ADAMTS18: variants seen among roughly 807,000 people sequenced by gnomAD.
ADAMTS18 encodes the protein ADAM metallopeptidase with thrombospondin type 1 motif 18, also known as A disintegrin and metalloproteinase with thrombospondin motifs 18.
ADAMTS18 carries 157 observed loss-of-function variants against 165.9 expected under a neutral mutation model. That is an observed-to-expected ratio of 0.95 (90% confidence interval 0.83 to 1.08). The LOEUF (loss-of-function observed/expected upper bound fraction) is 1.08, where lower values mean the gene tolerates loss of function less well. Among genes scored for constraint, ADAMTS18 ranks in the 50% least tolerant of loss-of-function variants. ADAMTS18 has a pLI of 0.00. For missense variants in ADAMTS18, 2,040 were observed against 1,534.0 expected, an observed-to-expected ratio of 1.33 and a Z score of -5.51; for synonymous variants, 782 against 578.2, an observed-to-expected ratio of 1.35 and a Z score of -5.06.
At chr16:77,318,581 A>T (rs1040422370) in intron 16 of ADAMTS18, among the ~76,000 whole-genome samples, 5 of 152,284 alleles carry the variant, frequency 3.3e-5, no homozygotes, top group Admixed American at 3.3e-4. Context: ...ACTCTATTAC[A>T]GTCATGATAA....
At chr16:77,418,175 A>G (rs752936442) in intron 3 of ADAMTS18, among the ~76,000 whole-genome samples, 3 of 152,070 alleles carry the variant, frequency 2.0e-5, no homozygotes, top group African/African-American at 4.8e-5. Context: ...CTGCCATCCA[A>G]TCGACTCCCA....
chr16:77,431,252 A>G (rs965486132), intron 3 of ADAMTS18, 43 bp downstream of exon 3: 5 of 1,610,346 alleles, frequency 3.1e-6, no homozygotes, highest in East Asian at 2.2e-5. Flanking sequence ...AAGTTACACA[A>G]AACACGAAAG....
intron 13 of ADAMTS18, among the ~76,000 whole-genome samples, chr16:77,325,546 C>T (rs1433252269): frequency 6.6e-6 from 1 of 151,836 alleles, no homozygotes; most frequent in Non-Finnish European, 1.5e-5. Context: ...ACAGTTCATA[C>T]CAATTTCAAT....
intron 16 of ADAMTS18, among the ~76,000 whole-genome samples, chr16:77,311,879 TAAAG>T (rs1027865076): frequency 6.6e-6 from 1 of 152,188 alleles, no homozygotes; most frequent in African/African-American, 2.4e-5. Flanking sequence ...AATGAGTGCA[TAAAG>T]AAAGATTTTG....
intron 21 of ADAMTS18, among the ~76,000 whole-genome samples, chr16:77,289,894 G>A (rs1028218309): frequency 1.3e-5 from 2 of 152,186 alleles, no homozygotes; most frequent in South Asian, 4.1e-4. Context: ...GCATGACAGA[G>A]TTGGTGCTTC....
At chr16:77,285,418 C>T (rs1274235418) in intron 22 of ADAMTS18, among the ~76,000 whole-genome samples, 1 of 152,014 alleles carries the variant, frequency 6.6e-6, no homozygotes, top group Non-Finnish European at 1.5e-5. Context: ...GGTGATCCGT[C>T]TGCCTCAGCC....
At chr16:77,366,988 G>A (rs201440495) in intron 4 of ADAMTS18, among the ~76,000 whole-genome samples, 2 of 152,116 alleles carry the variant, frequency 1.3e-5, no homozygotes, top group South Asian at 2.1e-4. Context: ...GGAAACGGCC[G>A]AAGGTTGTAA....
intron 12 of ADAMTS18, among the ~76,000 whole-genome samples, chr16:77,328,674 C>G (rs1454541096): frequency 1.3e-5 from 2 of 152,188 alleles, no homozygotes; most frequent in African/African-American, 2.4e-5. Context: ...TTCCGGTCAT[C>G]TTTACAAGGC....
intron 3 of ADAMTS18, among the ~76,000 whole-genome samples, chr16:77,423,171 C>G (rs535717728): frequency 6.6e-6 from 1 of 152,188 alleles, no homozygotes; most frequent in East Asian, 1.9e-4. Flanking sequence ...CTACTTATAA[C>G]GCCAGCTTGC....
At chr16:77,335,042 A>C (rs2056285691) in intron 12 of ADAMTS18, among the ~76,000 whole-genome samples, 1 of 146,080 alleles carries the variant, frequency 6.8e-6, no homozygotes, top group Non-Finnish European at 1.5e-5. Context: ...TATTAATAGT[A>C]ATTATATATA....
At chr16:77,369,270 A>AT (rs1222171371) in intron 3 of ADAMTS18, among the ~76,000 whole-genome samples, 4 of 152,030 alleles carry the variant, frequency 2.6e-5, no homozygotes, top group Non-Finnish European at 5.9e-5. Flanking sequence ...TGTCAATTTT[A>AT]TCTTTTTAAA....
intron 10 of ADAMTS18, among the ~76,000 whole-genome samples, chr16:77,352,008 A>G (rs2056563441): frequency 6.6e-6 from 1 of 152,198 alleles, no homozygotes; most frequent in Non-Finnish European, 1.5e-5. Context: ...TCTTGACATT[A>G]TAAGTATAAG....
At chr16:77,424,652 T>A (rs2057648655) in intron 3 of ADAMTS18, among the ~76,000 whole-genome samples, 1 of 152,040 alleles carries the variant, frequency 6.6e-6, no homozygotes, top group Non-Finnish European at 1.5e-5. Flanking sequence ...AGCAAATAAT[T>A]CTCTTCACAA....
chr16:77,423,460 G>C (rs1401036549), intron 3 of ADAMTS18, among the ~76,000 whole-genome samples: 1 of 152,084 alleles, frequency 6.6e-6, no homozygotes, highest in African/African-American at 2.4e-5. Context: ...TAATGATATA[G>C]TAATAATATC....
At chr16:77,341,079 A>G (rs1043228343) in intron 11 of ADAMTS18, among the ~76,000 whole-genome samples, 1 of 152,130 alleles carries the variant, frequency 6.6e-6, no homozygotes, top group Non-Finnish European at 1.5e-5. Flanking sequence ...TCCAGACTCT[A>G]TTGAGAAAGA....
intron 17 of ADAMTS18, 90 bp from the exon 18 acceptor site, chr16:77,297,505 G>T (rs2055497220): frequency 2.2e-6 from 3 of 1,349,226 alleles, no homozygotes; most frequent in African/African-American, 1.4e-5. Context: ...CCAGCATTGT[G>T]ATATTTTATT....
At chr16:77,369,167 T>C (rs966229988) in intron 3 of ADAMTS18, among the ~76,000 whole-genome samples, 1 of 152,222 alleles carries the variant, frequency 6.6e-6, no homozygotes, top group Non-Finnish European at 1.5e-5. Flanking sequence ...CACATGTTTA[T>C]GGGATCCTTT....
chr16:77,339,852 G>C (rs1162772051), intron 11 of ADAMTS18, among the ~76,000 whole-genome samples: 1 of 151,074 alleles, frequency 6.6e-6, no homozygotes, highest in Non-Finnish European at 1.5e-5. Context: ...AAAACAAAGA[G>C]TTAAAAATTA....
chr16:77,291,594 A>G (rs999965057), intron 20 of ADAMTS18, 116 bp from the exon 21 acceptor site: 1 of 1,027,222 alleles, frequency 9.7e-7, no homozygotes, highest in African/African-American at 1.6e-5. Flanking sequence ...ATGGGATTAC[A>G]CAAGGTCAAC....
Sources: allele counts gnomAD v4.1 joint callset (sites outside exome capture counted in the v4.1 genomes callset), GRCh38; gene constraint gnomAD v4.1.1; transcripts MANE v1.5; gene names NCBI Gene and HGNC (gene_info 2026-07-23, HGNC 2026-07-21).